Variants in NFIC observed in about 807,000 individuals in gnomAD.
NFIC encodes the protein nuclear factor 1 C-type.
Under a neutral mutation model 54.4 loss-of-function variants are expected in NFIC, and 12 were observed. That is an observed-to-expected ratio of 0.22 (90% CI 0.14 to 0.36). The LOEUF is 0.36. Ranked by LOEUF, NFIC falls within the 10% of genes least tolerant of loss-of-function variation. The probability of loss-of-function intolerance (pLI) is 1.00; values close to 1 mark genes in which losing one functional copy is unlikely to be tolerated. For missense variants in NFIC, 575 were observed against 718.2 expected, an observed-to-expected ratio of 0.80 and a Z score of 2.28; for synonymous variants, 322 against 319.2, an observed-to-expected ratio of 1.01 and a Z score of -0.09.
intron 7 of NFIC, among the ~76,000 whole-genome samples, chr19:3,450,476 T>G (rs914255015): frequency 6.6e-6 from 1 of 151,862 alleles, no homozygotes; most frequent in Non-Finnish European, 1.5e-5. Flanking sequence ...GACAACATGG[T>G]GAAATCTCGT....
rs771231256 is a variant in NFIC, at chr19:3,459,235, C to G, written c.1509+2600C>G. 1.3e-5 allele frequency among the ~76,000 whole-genome samples: 2 copies of G among 151,480 alleles called. No individual in the cohort carries two copies. The highest frequency in any genetic ancestry group is 2.4e-5 in the African/African-American group (1 of 41,174). On this transcript the variant is annotated intron_variant, in intron 10 of 10. Transcript: ENST00000443272. This position sits in a 1 kb window ranked among gnomAD's most constrained non-coding sequence, Gnocchi z 4.2. The stretch of plus-strand genomic sequence containing the variant: ...CTGCCTCTCCGGCTCCCGACACCCC[C>G]CAGTCCATGGACTCTCCCCCCATCA...
At chr19:3,424,319 T>C (rs1225245955) in intron 2 of NFIC, among the ~76,000 whole-genome samples, 1 of 151,842 alleles carries the variant, frequency 6.6e-6, no homozygotes, top group Non-Finnish European at 1.5e-5. Flanking sequence ...TGAGCCACCG[T>C]GCCTGGCCGT....
At chr19:3,429,650 C>CA (rs1462183894) in intron 3 of NFIC, among the ~76,000 whole-genome samples, 1 of 152,142 alleles carries the variant, frequency 6.6e-6, no homozygotes, top group Non-Finnish European at 1.5e-5. Context: ...GAACTGGACA[C>CA]AGCCCTGAGC....
chr19:3,453,700 C>T lies in NFIC; in HGVS notation c.1270-63C>T, dbSNP rs1056017867. On this transcript the variant is annotated intron_variant, in intron 8 of 10. Transcript: ENST00000443272. This position sits in a 1 kb window ranked among gnomAD's most constrained non-coding sequence, Gnocchi z 6.7. Reference sequence around the variant, plus strand: ...CGTGCACAGAGCCGGGGGCGGCCGGCGCCAGCAGCCCGAGGTAGAGGGGGA... The same window carrying T: ...CGTGCACAGAGCCGGGGGCGGCCGGTGCCAGCAGCCCGAGGTAGAGGGGGA... 3.4e-5 allele frequency: 52 copies of T among 1,526,714 alleles called. No homozygotes were observed. In the African/African-American group the frequency reaches 5.2e-4, roughly 15 times the overall value. The allele number at this position is 1,526,714 out of a possible 1,614,324, so 94.6% of individuals were successfully genotyped here.
Position 3,382,269 on chromosome 19 carries a change from C to T in NFIC, c.562+26C>T, listed in dbSNP as rs369229249. 1.4e-4 allele frequency: 223 copies of T among 1,586,624 alleles called. No homozygotes were observed. In the Middle Eastern group the frequency reaches 2.9e-3, roughly 20 times the overall value. On this transcript the variant is annotated intron_variant, in intron 2 of 10. Coordinates refer to ENST00000443272, the MANE Select transcript of NFIC (RefSeq NM_001245002.2). Reference sequence around the variant, plus strand: ...GTGAGGTGTGGTGGCCTGAGCGGAGCGGCCAGCGGGGAGGGTGTCTGATGG... The same window carrying T: ...GTGAGGTGTGGTGGCCTGAGCGGAGTGGCCAGCGGGGAGGGTGTCTGATGG...
chr19:3,365,720 G>A (rs529337013), upstream of NFIC, among the ~76,000 whole-genome samples: 20 of 152,272 alleles, frequency 1.3e-4, 1 homozygote, highest in East Asian at 3.9e-3. Context: ...TGGCCAGCTG[G>A]AGATCCCGCC....
intron 7 of NFIC, 47 bp downstream of exon 7, chr19:3,449,186 T>G: frequency 1.3e-6 from 2 of 1,585,464 alleles, no homozygotes; most frequent in Non-Finnish European, 1.7e-6. Flanking sequence ...GGCCCTCCTA[T>G]CAGGCCTCTC....
At chr19:3,372,009 CTCTCTCT>C (rs2081028506) in intron 1 of NFIC, among the ~76,000 whole-genome samples, 4 of 98,102 alleles carry the variant, frequency 4.1e-5, no homozygotes, top group African/African-American at 1.9e-4. Context: ...CTCTCTCTCT[CTCTCTCT>C]CTCTCTCTCT....
chr19:3,362,679 C>G (rs981987414), upstream of NFIC, among the ~76,000 whole-genome samples: 1 of 152,062 alleles, frequency 6.6e-6, no homozygotes, highest in African/African-American at 2.4e-5. Context: ...TGACCTTTAA[C>G]TCACTTGACT....
chr19:3,451,459 C>A (rs2082461019), intron 7 of NFIC, among the ~76,000 whole-genome samples: 1 of 151,766 alleles, frequency 6.6e-6, no homozygotes, highest in Non-Finnish European at 1.5e-5. Context: ...ATGATGAAAC[C>A]CCATCTCTAC....
chr19:3,453,653 C>G lies in NFIC; in HGVS notation c.1270-110C>G. The stretch of plus-strand genomic sequence containing the variant: ...TGGTCACACCCGCGCCCTGGCCCCC[C>G]AGCCTGCCACCCCGTCCGGGCCGTG... On this transcript the variant is annotated intron_variant, in intron 8 of 10. Coordinates refer to ENST00000443272, the MANE Select transcript of NFIC (RefSeq NM_001245002.2). The surrounding 1 kb of genome is among the most constrained non-coding windows in gnomAD (Gnocchi z 6.7). 1 of 1,426,112 alleles carries G rather than the reference C, an allele frequency of 7.0e-7. No homozygotes were observed. The highest frequency in any genetic ancestry group is 9.2e-7 in the Non-Finnish European group (1 of 1,083,634). The allele number at this position is 1,426,112 out of a possible 1,614,324, so 88.3% of individuals were successfully genotyped here. A position where few individuals can be genotyped will look rare whatever the true frequency, so the allele number is the denominator to read the frequency against.
At chr19:3,396,763 C>T (rs960448814) in intron 2 of NFIC, among the ~76,000 whole-genome samples, 1 of 152,248 alleles carries the variant, frequency 6.6e-6, no homozygotes, top group African/African-American at 2.4e-5. Flanking sequence ...CGAGACCAGT[C>T]TGGCCAACAT....
intron 1 of NFIC, among the ~76,000 whole-genome samples, chr19:3,373,179 G>A (rs893739569): frequency 6.6e-6 from 1 of 152,088 alleles, no homozygotes; most frequent in Non-Finnish European, 1.5e-5. Flanking sequence ...CTCAGCAAAC[G>A]CTCAGCCTGT....
chr19:3,460,530 GT>G (rs2082623961), intron 10 of NFIC, among the ~76,000 whole-genome samples: 1 of 151,494 alleles, frequency 6.6e-6, no homozygotes, highest in Non-Finnish European at 1.5e-5. Flanking sequence ...TTTGGTTTTT[GT>G]TTTGAGACGG....
intron 1 of NFIC, among the ~76,000 whole-genome samples, chr19:3,374,358 C>T (rs1252266681): frequency 1.3e-5 from 2 of 152,200 alleles, no homozygotes; most frequent in African/African-American, 4.8e-5. Flanking sequence ...CCCCTTCTCC[C>T]CATCACCTTG....
Position 3,449,540 on chromosome 19 carries a change from AT to A in NFIC, c.1084+402del, listed in dbSNP as rs1333406782. Reference sequence around the variant, plus strand: ...TTTGGGAGGCTGAGGCGGGTGGATCATCTGAGGTCAGGAGTTTGAGACCAGC... The same window carrying A: ...TTTGGGAGGCTGAGGCGGGTGGATCACTGAGGTCAGGAGTTTGAGACCAGC... On this transcript the variant is annotated intron_variant, in intron 7 of 10. Coordinates refer to ENST00000443272, the MANE Select transcript of NFIC (RefSeq NM_001245002.2). Among the ~76,000 whole-genome samples, 5 of 152,048 alleles carry A rather than the reference AT, an allele frequency of 3.3e-5. No individual in the cohort carries two copies. In the East Asian group the frequency reaches 9.7e-4, roughly 29 times the overall value.
intron 2 of NFIC, among the ~76,000 whole-genome samples, chr19:3,421,445 G>A (rs1014797751): frequency 6.6e-6 from 1 of 152,266 alleles, no homozygotes; most frequent in Non-Finnish European, 1.5e-5. Context: ...AGCTCCGAGG[G>A]GCCGCTGGCA....
chr19:3,441,710 G>T (rs959880799), intron 6 of NFIC, among the ~76,000 whole-genome samples: 1 of 152,196 alleles, frequency 6.6e-6, no homozygotes, highest in Non-Finnish European at 1.5e-5. Flanking sequence ...GGCCGGAGGG[G>T]CTGGGGGCAC....
In NFIC at chr19:3,458,362, G is replaced by A. The variant is rs2082591488; in HGVS notation, c.1509+1727G>A. 6.6e-6 allele frequency among the ~76,000 whole-genome samples: 1 copy of A among 152,144 alleles called. No homozygotes were observed. The highest frequency in any genetic ancestry group is 6.5e-5 in the Admixed American group (1 of 15,278). ...CGTCTTAAGTGGTTCAGAAACCAAA[G>A]CTAATAAAAGCTGCGGTGGGAGGAG... On this transcript the variant is annotated intron_variant, in intron 10 of 10. Transcript: ENST00000443272. The surrounding 1 kb of genome is among the most constrained non-coding windows in gnomAD (Gnocchi z 4.1).
Sources: allele counts gnomAD v4.1 joint callset (sites outside exome capture counted in the v4.1 genomes callset), GRCh38; gene constraint gnomAD v4.1.1; non-coding constraint Gnocchi (gnomAD v3.1); transcripts MANE v1.5; gene names NCBI Gene and HGNC (gene_info 2026-07-23, HGNC 2026-07-21).